The following CALM3 variants were observed in gnomAD, a reference collection of about 807,000 sequenced individuals.
The protein encoded by CALM3 is calmodulin-3.
Under a neutral mutation model 20.1 loss-of-function variants are expected in CALM3, and 5 were observed. The observed-to-expected ratio is 0.25, with a 90% confidence interval of 0.13 to 0.52. The LOEUF is 0.52. Among genes scored for constraint, CALM3 ranks in the 20% least tolerant of loss-of-function variants. The probability of loss-of-function intolerance (pLI) is 0.96; values close to 1 mark genes in which losing one functional copy is unlikely to be tolerated. For synonymous variants in CALM3, 69 were observed against 68.1 expected (o/e 1.01, Z -0.06); for missense variants, 57 against 192.8 (o/e 0.30, Z 4.17).
chr19:46,605,781 G>T lies in CALM3; in HGVS notation c.4-46G>T. 2.5e-6 allele frequency: 4 copies of T among 1,607,496 alleles called. No individual in the cohort carries two copies. Among genetic ancestry groups the T allele is most frequent in the East Asian group, 2.2e-5 (1 of 44,812 alleles). On this transcript the variant is annotated intron_variant, in intron 1 of 5. Transcript: ENST00000291295. The surrounding 1 kb of genome is among the most constrained non-coding windows in gnomAD (Gnocchi z 4.1). ...TGGGCTGAGTGAGGAAGATGCGTCC[G>T]TGCTGTCCGGCCTGGTGACTGACTT... is the stretch of plus-strand genomic sequence containing the variant.
rs1166033209 is a variant in CALM3, at chr19:46,610,008, G to GGGGATGGTCGCTTT, written c.*857_*870dup. 1 of 152,772 alleles carries GGGGATGGTCGCTTT rather than the reference G, an allele frequency of 6.5e-6. No homozygotes were observed. Among genetic ancestry groups the GGGGATGGTCGCTTT allele is most frequent in the Non-Finnish European group, 1.5e-5 (1 of 68,158 alleles). The allele number at this position is 152,772 out of a possible 1,614,324, so 9.5% of individuals were successfully genotyped here. A position where few individuals can be genotyped will look rare whatever the true frequency, so the allele number is the denominator to read the frequency against. On this transcript the variant is annotated 3_prime_UTR_variant, in exon 6 of 6. Transcript: ENST00000291295. ...GAGGGCCCGTCCTAGGAATGGATGTGGGGATGGTCGCTTTGTAATGTGCTG... is the reference window on the plus strand; with the variant it reads ...GAGGGCCCGTCCTAGGAATGGATGTGGGGATGGTCGCTTTGGGATGGTCGCTTTGTAATGTGCTG...
intron 1 of CALM3, among the ~76,000 whole-genome samples, chr19:46,604,051 C>A (rs1192613657): frequency 1.3e-5 from 2 of 152,206 alleles, no homozygotes; most frequent in Non-Finnish European, 2.9e-5. Flanking sequence ...ACCTGGCTCG[C>A]TTTTTCCATT....
intron 1 of CALM3, chr19:46,602,096 G>T: frequency 7.6e-7 from 1 of 1,310,954 alleles, no homozygotes; most frequent in Non-Finnish European, 1.0e-6. Context: ...GGAGGGTGAG[G>T]TGCAAGCTTA....
Position 46,605,824 on chromosome 19 carries a change from C to A in CALM3, c.4-3C>A. ...ACTGACTTTCCCCTTCATGCTTTTACAGGCTGACCAGCTGACTGAGGAGCA... is the reference window on the plus strand; with the variant it reads ...ACTGACTTTCCCCTTCATGCTTTTAAAGGCTGACCAGCTGACTGAGGAGCA... On this transcript the variant is annotated splice_polypyrimidine_tract_variant and splice_region_variant and intron_variant, in intron 1 of 5. Coordinates refer to ENST00000291295, the MANE Select transcript of CALM3 (RefSeq NM_005184.4). The surrounding 1 kb of genome is among the most constrained non-coding windows in gnomAD (Gnocchi z 4.1). 6.2e-7 allele frequency: 1 copy of A among 1,614,112 alleles called. No homozygotes were observed. The highest frequency in any genetic ancestry group is 8.5e-7 in the Non-Finnish European group (1 of 1,179,944).
chr19:46,601,398 C>A lies in CALM3; in HGVS notation c.-37C>A. On this transcript the variant is annotated 5_prime_UTR_variant, in exon 1 of 6. Transcript: ENST00000291295. This position sits in a 1 kb window ranked among gnomAD's most constrained non-coding sequence, Gnocchi z 4.2. Reference sequence around the variant, plus strand: ...GCAGCTGCTGCCGCCGCCGGAGGAACCTTGATCCCCGTGCTCCGGACACCC... The same window carrying A: ...GCAGCTGCTGCCGCCGCCGGAGGAAACTTGATCCCCGTGCTCCGGACACCC... 6.6e-7 allele frequency: 1 copy of A among 1,506,110 alleles called. No homozygotes were observed. The highest frequency in any genetic ancestry group is 2.1e-4 in the Middle Eastern group (1 of 4,668). 93.3% of individuals were successfully genotyped at this position (1,506,110 alleles called of 1,614,324 possible). A position where few individuals can be genotyped will look rare whatever the true frequency, so the allele number is the denominator to read the frequency against.
chr19:46,601,568 T>G lies in CALM3; in HGVS notation c.3+131T>G. ...CGGCGAGAGCCTCGGGACCCTTTTCTACCCGCGTTGTCGGGGGCTGTTGAA... is the reference window on the plus strand; with the variant it reads ...CGGCGAGAGCCTCGGGACCCTTTTCGACCCGCGTTGTCGGGGGCTGTTGAA... On this transcript the variant is annotated intron_variant, in intron 1 of 5. Coordinates refer to ENST00000291295, the MANE Select transcript of CALM3 (RefSeq NM_005184.4). This position sits in a 1 kb window ranked among gnomAD's most constrained non-coding sequence, Gnocchi z 4.2. The G allele has an allele frequency of 1.1e-6, 1 of 870,272 alleles. No individual in the cohort carries two copies. Among genetic ancestry groups the G allele is most frequent in the Non-Finnish European group, 1.6e-6 (1 of 631,514 alleles). 53.9% of individuals were successfully genotyped at this position (870,272 alleles called of 1,614,324 possible).
chr19:46,603,495 G>A (rs942565477), intron 1 of CALM3, among the ~76,000 whole-genome samples: 2 of 152,138 alleles, frequency 1.3e-5, no homozygotes, highest in Non-Finnish European at 1.5e-5. Context: ...TGGGGGCTGG[G>A]GCAAGGCAGA....
In CALM3 at chr19:46,601,926, G is replaced by A; in HGVS notation, c.3+489G>A. Reference sequence around the variant, plus strand: ...GGCTGGGCTGCTCCTGGATGGGGTGGTGGAGGGTAGCTGGGCCCGGGCGGG... The same window carrying A: ...GGCTGGGCTGCTCCTGGATGGGGTGATGGAGGGTAGCTGGGCCCGGGCGGG... On this transcript the variant is annotated intron_variant, in intron 1 of 5. Coordinates refer to ENST00000291295, the MANE Select transcript of CALM3 (RefSeq NM_005184.4). This position sits in a 1 kb window ranked among gnomAD's most constrained non-coding sequence, Gnocchi z 4.2. 2.6e-6 allele frequency: 1 copy of A among 381,516 alleles called. No homozygotes were observed. Among genetic ancestry groups the A allele is most frequent in the South Asian group, 2.0e-5 (1 of 49,208 alleles). 23.6% of individuals were successfully genotyped at this position (381,516 alleles called of 1,614,324 possible).
In CALM3 at chr19:46,605,968, C is replaced by A; in HGVS notation, c.34+111C>A. ...GGGTGAACCTGTGTATCCCTTGTGT[C>A]ACCTAACACTATGCCTTGTGCCTAG... On this transcript the variant is annotated intron_variant, in intron 2 of 5. Transcript: ENST00000291295. The surrounding 1 kb of genome is among the most constrained non-coding windows in gnomAD (Gnocchi z 4.1). 1 of 935,432 alleles carries A rather than the reference C, an allele frequency of 1.1e-6. No individual in the cohort carries two copies. The allele number at this position is 935,432 out of a possible 1,614,324, so 57.9% of individuals were successfully genotyped here. A position where few individuals can be genotyped will look rare whatever the true frequency, so the allele number is the denominator to read the frequency against.
rs1971863794 is a variant in CALM3 at position 46,610,555 on chromosome 19, ATC to A, written c.*1406_*1407del. On this transcript the variant is annotated 3_prime_UTR_variant, in exon 6 of 6. Transcript: ENST00000291295. The stretch of plus-strand genomic sequence containing the variant: ...TCCTGGGACCTGCCCAGCTTTGAGA[ATC>A]TCTTCTCATCCACCCTCTGGCACCC... 1.4e-5 allele frequency: 2 copies of A among 144,016 alleles called. No individual in the cohort carries two copies. The highest frequency in any genetic ancestry group is 1.4e-4 in the Admixed American group (2 of 14,338). 8.9% of individuals were successfully genotyped at this position (144,016 alleles called of 1,614,324 possible).
rs564833355 is a variant in CALM3 at position 46,610,085 on chromosome 19, T to C, written c.*932T>C. ...ATGGCCCTTAAGACTTTCATTTTGTTCAGAACCATGCTGGGCTAGCTAAAG... is the reference window on the plus strand; with the variant it reads ...ATGGCCCTTAAGACTTTCATTTTGTCCAGAACCATGCTGGGCTAGCTAAAG... On this transcript the variant is annotated 3_prime_UTR_variant, in exon 6 of 6. Coordinates refer to ENST00000291295, the MANE Select transcript of CALM3 (RefSeq NM_005184.4). 105 of 152,702 alleles carry C rather than the reference T, an allele frequency of 6.9e-4. No homozygotes were observed. The highest frequency in any genetic ancestry group is 2.5e-3 in the African/African-American group (104 of 41,516). The allele number at this position is 152,702 out of a possible 1,614,324, so 9.5% of individuals were successfully genotyped here.
In CALM3 at chr19:46,601,591, G is replaced by T. The variant is rs548578749; in HGVS notation, c.3+154G>T. On this transcript the variant is annotated intron_variant, in intron 1 of 5. Coordinates refer to ENST00000291295, the MANE Select transcript of CALM3 (RefSeq NM_005184.4). This position sits in a 1 kb window ranked among gnomAD's most constrained non-coding sequence, Gnocchi z 4.2. ...TCTACCCGCGTTGTCGGGGGCTGTTGAACCCAGAGCGGGACGTCTGGATCA... is the reference window on the plus strand; with the variant it reads ...TCTACCCGCGTTGTCGGGGGCTGTTTAACCCAGAGCGGGACGTCTGGATCA... 1.3e-5 allele frequency among the ~76,000 whole-genome samples: 2 copies of T among 152,328 alleles called. No homozygotes were observed. Among genetic ancestry groups the T allele is most frequent in the Non-Finnish European group, 1.5e-5 (1 of 68,026 alleles).
In CALM3 at chr19:46,605,732, C is replaced by G; in HGVS notation, c.4-95C>G. ...GGCCCGGCGGGAATGGCACGTGGAG[C>G]TGGCCTCACTGGGGCCGAGGGTCTG... On this transcript the variant is annotated intron_variant, in intron 1 of 5. Coordinates refer to ENST00000291295, the MANE Select transcript of CALM3 (RefSeq NM_005184.4). The surrounding 1 kb of genome is among the most constrained non-coding windows in gnomAD (Gnocchi z 4.1). The G allele has an allele frequency of 8.2e-7, 1 of 1,224,718 alleles. No individual in the cohort carries two copies. The highest frequency in any genetic ancestry group is 1.2e-6 in the Non-Finnish European group (1 of 830,056). The allele number at this position is 1,224,718 out of a possible 1,614,324, so 75.9% of individuals were successfully genotyped here. A position where few individuals can be genotyped will look rare whatever the true frequency, so the allele number is the denominator to read the frequency against.
rs1033398054 is a variant in CALM3, at chr19:46,605,563, C to T, written c.4-264C>T. ...ACATGCTGAGTTGAGATTGGAAGCC[C>T]GTGGGTCTGGGCAGCTTCATCGGGC... On this transcript the variant is annotated intron_variant, in intron 1 of 5. Coordinates refer to ENST00000291295, the MANE Select transcript of CALM3 (RefSeq NM_005184.4). This position sits in a 1 kb window ranked among gnomAD's most constrained non-coding sequence, Gnocchi z 4.1. Among the ~76,000 whole-genome samples the T allele has an allele frequency of 7.9e-5, 12 of 152,364 alleles. No individual in the cohort carries two copies. The highest frequency in any genetic ancestry group is 1.9e-4 in the East Asian group (1 of 5,188).
chr19:46,609,201 C>A lies in CALM3; in HGVS notation c.*48C>A, dbSNP rs747668761. Reference sequence around the variant, plus strand: ...TGCCCGTTCTCTTGATCTCTCTCTTCTCGCGCGCGCACTCTCTCTTCAACA... The same window carrying A: ...TGCCCGTTCTCTTGATCTCTCTCTTATCGCGCGCGCACTCTCTCTTCAACA... On this transcript the variant is annotated 3_prime_UTR_variant, in exon 6 of 6. Coordinates refer to ENST00000291295, the MANE Select transcript of CALM3 (RefSeq NM_005184.4). 2.7e-5 allele frequency: 43 copies of A among 1,584,572 alleles called. No individual in the cohort carries two copies. The Admixed American group carries it at 3.1e-4, about 11-fold the overall frequency.
At chr19:46,604,594 T>C (rs1411399089) in intron 1 of CALM3, among the ~76,000 whole-genome samples, 5 of 150,766 alleles carry the variant, frequency 3.3e-5, no homozygotes, top group African/African-American at 4.9e-5. Flanking sequence ...ATTGTTAATA[T>C]TTGGGACGGG....
chr19:46,605,461 T>C lies in CALM3; in HGVS notation c.4-366T>C, dbSNP rs547439529. Among the ~76,000 whole-genome samples, 1 of 152,356 alleles carries C rather than the reference T, an allele frequency of 6.6e-6. No homozygotes were observed. The highest frequency in any genetic ancestry group is 2.4e-5 in the African/African-American group (1 of 41,590). On this transcript the variant is annotated intron_variant, in intron 1 of 5. Coordinates refer to ENST00000291295, the MANE Select transcript of CALM3 (RefSeq NM_005184.4). This position sits in a 1 kb window ranked among gnomAD's most constrained non-coding sequence, Gnocchi z 4.1. ...GCCTCTGGGGCTCTCACTGATGAGA[T>C]GCAAACCTGTGCCAGGCCTCACCAG...
In CALM3 at chr19:46,605,670, C is replaced by G. The variant is rs1971727245; in HGVS notation, c.4-157C>G. ...ACCAGACTTTATCATCAGGCGCTGG[C>G]TCTGCCTCAGACCCTGACTCTGGCA... On this transcript the variant is annotated intron_variant, in intron 1 of 5. Coordinates refer to ENST00000291295, the MANE Select transcript of CALM3 (RefSeq NM_005184.4). This position sits in a 1 kb window ranked among gnomAD's most constrained non-coding sequence, Gnocchi z 4.1. 6.6e-6 allele frequency among the ~76,000 whole-genome samples: 1 copy of G among 152,246 alleles called. No homozygotes were observed.
intron 2 of CALM3, among the ~76,000 whole-genome samples, chr19:46,606,649 C>T (rs189687655): frequency 6.6e-6 from 1 of 152,226 alleles, no homozygotes; most frequent in Admixed American, 6.5e-5. Context: ...AAACAAACAT[C>T]TCTCTCTCAG....
Sources: gnomAD v4.1 joint callset for allele counts (sites outside exome capture counted in the v4.1 genomes callset) on GRCh38, gnomAD v4.1.1 for gene constraint, Gnocchi (gnomAD v3.1) non-coding constraint, MANE v1.5 for transcripts, NCBI Gene and HGNC (gene_info 2026-07-23, HGNC 2026-07-21) for gene names.